ANKS6: variants seen among roughly 807,000 people sequenced by gnomAD.
ANKS6 encodes ankyrin repeat and SAM domain-containing protein 6.
In ANKS6, 47 loss-of-function variants were observed where a neutral mutation model predicts 77.9. The observed-to-expected ratio is 0.60, with a 90% CI of 0.48 to 0.77. The LOEUF (loss-of-function observed/expected upper bound fraction) is 0.77, where lower values mean the gene tolerates loss of function less well. Ranked by LOEUF, ANKS6 falls within the 30% of genes least tolerant of loss-of-function variation. The probability of loss-of-function intolerance (pLI) is 0.00; values close to 1 mark genes in which losing one functional copy is unlikely to be tolerated. For missense variants in ANKS6, 1,150 were observed against 1,159.1 expected (o/e 0.99, Z 0.11); for synonymous variants, 488 against 501.7 (o/e 0.97, Z 0.37).
At chr9:98,789,354 G>A (rs1834759057) in intron 2 of ANKS6, among the ~76,000 whole-genome samples, 1 of 150,012 alleles carries the variant, frequency 6.7e-6, no homozygotes, top group Admixed American at 6.7e-5. Flanking sequence ...GTTTTGAAAC[G>A]TGGTATGTCC....
In ANKS6 at chr9:98,770,938, C is replaced by T. The variant is rs6415847; in HGVS notation, c.1930G>A (p.Val644Ile). 1,510,007 of 1,586,358 alleles carry T rather than the reference C, an allele frequency of 0.95. 720,902 individuals carry two copies. Among genetic ancestry groups the T allele is most frequent in the Non-Finnish European group, 0.97 (1,129,577 of 1,165,924 alleles). ...SPHSSGGSSGVGVSRHGGELL... is the reference protein window; with the variant it reads ...SPHSSGGSSGIGVSRHGGELL... ...TCCCCACCGTGCCGGCTCACACCTACCCCACTGGAGCCGCCCGATGAATGA... is the reference window on the plus strand; with the variant it reads ...TCCCCACCGTGCCGGCTCACACCTATCCCACTGGAGCCGCCCGATGAATGA... The change falls in exon 10 of 15, where the codon GTA (valine) becomes ATA (isoleucine). Residue 644 changes from valine to isoleucine, a missense_variant. Physicochemically the swap from Val to Ile is conservative, Grantham distance 29 (BLOSUM62 3). Transcript: ENST00000353234.
rs1834820230 is a variant in ANKS6 at position 98,790,184 on chromosome 9, G to A, written c.782C>T (p.Ala261Val). Residue 261 changes from alanine (A) to valine (V), a missense_variant, in exon 2 of 15, where the codon GCC (alanine) becomes GTC (valine). Coordinates refer to ENST00000353234, the MANE Select transcript of ANKS6 (RefSeq NM_173551.5). Reference sequence around the variant, plus strand: ...CTTGCAGTCCAGTGCAACCTCGAAGGCGGTCTTCTCCAGCACGCTGAGGTG... The same window carrying A: ...CTTGCAGTCCAGTGCAACCTCGAAGACGGTCTTCTCCAGCACGCTGAGGTG... ...PDHLSVLEKT[A>V]FEVALDCKHR... 6.2e-7 allele frequency: 1 copy of A among 1,602,490 alleles called. No individual in the cohort carries two copies. The highest frequency in any genetic ancestry group is 8.5e-7 in the Non-Finnish European group (1 of 1,170,610).
chr9:98,796,212 C>A lies in ANKS6; in HGVS notation c.280G>T (p.Val94Leu). The A allele has an allele frequency of 7.1e-7, 1 of 1,415,546 alleles. No homozygotes were observed. The highest frequency in any genetic ancestry group is 1.5e-5 in the South Asian group (1 of 68,300). 87.7% of individuals were successfully genotyped at this position (1,415,546 alleles called of 1,614,324 possible). Residue 94 changes from valine to leucine, a missense_variant, in exon 1 of 15, where the codon GTG becomes TTG. By Grantham distance (32) the Val-to-Leu change is conservative. Coordinates refer to ENST00000353234, the MANE Select transcript of ANKS6 (RefSeq NM_173551.5). ...GCACCGCGGCGCAGCAGGAAGCGCA[C>A]CAGCGGTTCGTGGCCCCCGGCCGCG... The part of the protein sequence containing the change: ...FAAAGGHEPL[V>L]RFLLRRGASV...
Position 98,736,395 on chromosome 9 carries a change from T to A in ANKS6, c.*124A>T. On this transcript the variant is annotated 3_prime_UTR_variant, in exon 15 of 15. Transcript: ENST00000353234. ...GAATGCCGTCGACGTGAAGTGGGCA[T>A]CCCGAGCAAAGGGAACAACATGACT... The A allele has an allele frequency of 2.1e-6, 3 of 1,436,442 alleles. No individual in the cohort carries two copies. The highest frequency in any genetic ancestry group is 3.0e-5 in the South Asian group (2 of 66,698). The allele number at this position is 1,436,442 out of a possible 1,614,324, so 89.0% of individuals were successfully genotyped here. A position where few individuals can be genotyped will look rare whatever the true frequency, so the allele number is the denominator to read the frequency against.
intron 5 of ANKS6, 73 bp from the exon 6 acceptor site, chr9:98,780,410 C>T: frequency 1.4e-6 from 2 of 1,473,422 alleles, no homozygotes; most frequent in Non-Finnish European, 1.8e-6. Context: ...TCAAGATGAC[C>T]CCTGTTAGAC....
rs1834498747 is a variant in ANKS6 at position 98,785,178 on chromosome 9, T to C, written c.863-302A>G. Among the ~76,000 whole-genome samples, 3 of 152,224 alleles carry C rather than the reference T, an allele frequency of 2.0e-5. No homozygotes were observed. The South Asian group carries it at 6.2e-4, about 32-fold the overall frequency. On this transcript the variant is annotated intron_variant, in intron 2 of 14. Transcript: ENST00000353234. ...GCAAAACAAACGTTGGCATATCCTT[T>C]CTTAGATATACTGAAAAGTCTTGGG...
At chr9:98,765,150 C>T (rs957813904) in intron 11 of ANKS6, among the ~76,000 whole-genome samples, 2 of 152,182 alleles carry the variant, frequency 1.3e-5, no homozygotes, top group African/African-American at 4.8e-5. Flanking sequence ...TGAAGACAGA[C>T]AATCCCAAAT....
At position 98,753,920 on chromosome 9, in the gene ANKS6, G is replaced by T. The variant is rs143481100; in HGVS notation, c.2326+2500C>A. Among the ~76,000 whole-genome samples the T allele has an allele frequency of 2.3e-3, 352 of 152,244 alleles. 1 individual carries two copies. Among genetic ancestry groups the T allele is most frequent in the African/African-American group, 8.2e-3 (341 of 41,536 alleles). Reference sequence around the variant, plus strand: ...AAGTTCATGTAATTTGTAAATAATGGTTGTGTTTAACAACCAGCTTGGGCA... The same window carrying T: ...AAGTTCATGTAATTTGTAAATAATGTTTGTGTTTAACAACCAGCTTGGGCA... On this transcript the variant is annotated intron_variant, in intron 12 of 14. Coordinates refer to ENST00000353234, the MANE Select transcript of ANKS6 (RefSeq NM_173551.5).
At chr9:98,758,463 T>C (rs1234676981) in intron 11 of ANKS6, among the ~76,000 whole-genome samples, 2 of 152,180 alleles carry the variant, frequency 1.3e-5, no homozygotes. Flanking sequence ...AGGTCCCTTT[T>C]ATTAGAGAAT....
intron 10 of ANKS6, among the ~76,000 whole-genome samples, chr9:98,768,692 C>G (rs77478190): frequency 0.036 from 5,435 of 152,240 alleles, 281 homozygotes; most frequent in East Asian, 0.19. Flanking sequence ...CTTTGACTCT[C>G]CCTTTATGTG....
At chr9:98,772,151 C>T (rs1191843035) in intron 9 of ANKS6, among the ~76,000 whole-genome samples, 2 of 152,176 alleles carry the variant, frequency 1.3e-5, no homozygotes, top group Non-Finnish European at 2.9e-5. Flanking sequence ...CTTATATGTG[C>T]TTACCTAAGA....
At chr9:98,761,624 T>C (rs1353372026) in intron 11 of ANKS6, among the ~76,000 whole-genome samples, 1 of 152,226 alleles carries the variant, frequency 6.6e-6, no homozygotes, top group Non-Finnish European at 1.5e-5. Context: ...TGGAGGTTCC[T>C]TTTCTTGCAA....
chr9:98,776,815 G>T (rs1833946904), intron 8 of ANKS6, among the ~76,000 whole-genome samples: 1 of 152,172 alleles, frequency 6.6e-6, no homozygotes, highest in Non-Finnish European at 1.5e-5. Flanking sequence ...CAGCCATCTT[G>T]AACCAAGAGG....
intron 9 of ANKS6, among the ~76,000 whole-genome samples, chr9:98,772,329 C>T (rs1380326672): frequency 2.0e-5 from 3 of 152,192 alleles, no homozygotes; most frequent in Non-Finnish European, 2.9e-5. Flanking sequence ...AGCCACAAGC[C>T]AAGCGAAGCC....
Position 98,732,403 on chromosome 9 carries a change from G to C in ANKS6, c.*4116C>G. 2 of 1,305,456 alleles carry C rather than the reference G, an allele frequency of 1.5e-6. No homozygotes were observed. Among genetic ancestry groups the C allele is most frequent in the South Asian group, 2.7e-5 (2 of 75,058 alleles). 80.9% of individuals were successfully genotyped at this position (1,305,456 alleles called of 1,614,324 possible). ...TCTGTCTGCCATGCCAGGAAATCCA[G>C]TGACAGCAAGACCCAGAGTCAGGCA... On this transcript the variant is annotated 3_prime_UTR_variant, in exon 15 of 15. Transcript: ENST00000353234.
chr9:98,787,735 G>GA (rs35443595), intron 2 of ANKS6, among the ~76,000 whole-genome samples: 3 of 152,104 alleles, frequency 2.0e-5, no homozygotes. Context: ...ACTATCTTAT[G>GA]AAAAAAGACA....
intron 11 of ANKS6, among the ~76,000 whole-genome samples, chr9:98,763,181 T>C (rs1230599875): frequency 6.6e-6 from 1 of 151,986 alleles, no homozygotes; most frequent in Admixed American, 6.6e-5. Context: ...CCCCCAACAA[T>C]AACAACAGAA....
chr9:98,732,852 C>T lies in ANKS6; in HGVS notation c.*3667G>A. The T allele has an allele frequency of 8.3e-7, 1 of 1,203,962 alleles. No homozygotes were observed. The highest frequency in any genetic ancestry group is 2.2e-5 in the South Asian group (1 of 45,312). The allele number at this position is 1,203,962 out of a possible 1,614,324, so 74.6% of individuals were successfully genotyped here. On this transcript the variant is annotated 3_prime_UTR_variant, in exon 15 of 15. Transcript: ENST00000353234. ...GGACTAAAAACAGAAAAACAGGCAC[C>T]CAACTGACCCTTCCTCCCTGACGAT...
intron 7 of ANKS6, 64 bp from the exon 8 acceptor site, chr9:98,777,518 G>T: frequency 6.6e-7 from 1 of 1,518,520 alleles, no homozygotes; most frequent in South Asian, 1.1e-5. Flanking sequence ...AAGGATGAGT[G>T]ACTGGGGCAG....
Sources: gnomAD v4.1 joint callset for allele counts (sites outside exome capture counted in the v4.1 genomes callset) on GRCh38, gnomAD v4.1.1 for gene constraint, MANE v1.5 for transcripts, NCBI Gene and HGNC (gene_info 2026-07-23, HGNC 2026-07-21) for gene names.